The following TFEC variants were observed in gnomAD, a reference collection of about 807,000 sequenced individuals.
TFEC encodes the protein transcription factor EC.
TFEC carries 31 observed loss-of-function variants against 41.6 expected under a neutral mutation model. The ratio of observed to expected loss-of-function variants is 0.74; its 90% CI spans 0.56 to 1.01. The LOEUF is 1.01. TFEC is among the 50% of genes least tolerant of loss of function. TFEC has a pLI of 0.00. For synonymous variants in TFEC, 143 were observed against 140.6 expected, an observed-to-expected ratio of 1.02 and a Z score of -0.12; for missense variants, 402 against 404.1, an observed-to-expected ratio of 0.99 and a Z score of 0.04.
chr7:116,039,296 CA>C (rs1258271678), intron 3 of TFEC, among the ~76,000 whole-genome samples: 1 of 151,418 alleles, frequency 6.6e-6, no homozygotes, highest in Non-Finnish European at 1.5e-5. Flanking sequence ...ACTATAAGTA[CA>C]AATAAGAAGA....
chr7:116,072,908 C>T (rs1796863613), intron 3 of TFEC, among the ~76,000 whole-genome samples: 1 of 151,432 alleles, frequency 6.6e-6, no homozygotes, highest in Non-Finnish European at 1.5e-5. Flanking sequence ...AGGAACAATA[C>T]AAGGATACCC....
intron 7 of TFEC, 162 bp downstream of exon 7, chr7:115,941,731 G>T: frequency 1.2e-6 from 1 of 867,866 alleles, no homozygotes; most frequent in Non-Finnish European, 1.7e-6. Flanking sequence ...AATCCTAATT[G>T]AAACAACCCA....
chr7:116,121,836 T>G lies in TFEC; in HGVS notation c.-68-9798A>C, dbSNP rs150366331. ...TTGATCCTTGGCTAAAAGCCCTGAT[T>G]GGTCCAAAAGGTCAAATGGAAAGGA... On this transcript the variant is annotated intron_variant, in intron 1 of 8. Transcript: ENST00000484212. 3.0e-4 allele frequency among the ~76,000 whole-genome samples: 45 copies of G among 152,130 alleles called. 1 individual carries two copies. The East Asian group carries it at 8.3e-3, about 28-fold the overall frequency.
rs193045520 is a variant in TFEC at position 116,048,982 on chromosome 7, C to T, written c.198+61726G>A. Among the ~76,000 whole-genome samples, 250 of 152,262 alleles carry T rather than the reference C, an allele frequency of 1.6e-3. 1 individual carries two copies. The highest frequency in any genetic ancestry group is 2.6e-3 in the Admixed American group (39 of 15,292). On this transcript the variant is annotated intron_variant, in intron 3 of 8. Coordinates refer to the TFEC transcript ENST00000484212. The stretch of plus-strand genomic sequence containing the variant: ...GCCTTACAAGAGCTCCTGAAGGAAG[C>T]ACTAAACATGGAAAGGAACAGCCAG...
At chr7:115,979,620 T>C (rs1793536472) in intron 2 of TFEC, among the ~76,000 whole-genome samples, 1 of 152,142 alleles carries the variant, frequency 6.6e-6, no homozygotes, top group Non-Finnish European at 1.5e-5. Flanking sequence ...TTTTCATTTG[T>C]CCTTTGAACC....
chr7:115,971,101 C>A (rs181520125), intron 3 of TFEC, among the ~76,000 whole-genome samples: 1 of 151,944 alleles, frequency 6.6e-6, no homozygotes, highest in African/African-American at 2.4e-5. Flanking sequence ...GCTTGGGTAA[C>A]GACTACTGCT....
chr7:116,065,320 T>C (rs1315751352), intron 3 of TFEC, among the ~76,000 whole-genome samples: 4 of 152,122 alleles, frequency 2.6e-5, no homozygotes, highest in African/African-American at 9.7e-5. Flanking sequence ...CTGAGAAAAG[T>C]TCCTAGGAGA....
At chr7:116,076,027 C>T (rs1479515490) in intron 3 of TFEC, among the ~76,000 whole-genome samples, 3 of 152,188 alleles carry the variant, frequency 2.0e-5, no homozygotes, top group Non-Finnish European at 4.4e-5. Context: ...CACTTCACTC[C>T]CTTGCTACCT....
chr7:115,946,967 T>G (rs1253679054), intron 6 of TFEC, among the ~76,000 whole-genome samples: 2 of 151,324 alleles, frequency 1.3e-5, no homozygotes, highest in African/African-American at 4.8e-5. Flanking sequence ...CATGTGCCAA[T>G]GTGCAGGTTA....
intron 1 of TFEC, among the ~76,000 whole-genome samples, chr7:115,994,219 A>G (rs1350638857): frequency 4.6e-5 from 7 of 152,224 alleles, no homozygotes; most frequent in Admixed American, 4.6e-4. Flanking sequence ...GATGGATTAA[A>G]GACTTAAATG....
intron 3 of TFEC, among the ~76,000 whole-genome samples, chr7:116,066,144 A>G (rs1796689933): frequency 6.6e-6 from 1 of 152,094 alleles, no homozygotes; most frequent in Admixed American, 6.6e-5. Context: ...TTCTATCCCT[A>G]TTGAGGAGAT....
intron 6 of TFEC, among the ~76,000 whole-genome samples, chr7:115,944,364 C>T (rs1044091745): frequency 6.6e-6 from 1 of 151,406 alleles, no homozygotes; most frequent in African/African-American, 2.4e-5. Flanking sequence ...CACTCTTTCT[C>T]TTTGATTGTT....
At chr7:116,068,103 A>C (rs1350462259) in intron 3 of TFEC, among the ~76,000 whole-genome samples, 1 of 151,942 alleles carries the variant, frequency 6.6e-6, no homozygotes, top group African/African-American at 2.4e-5. Flanking sequence ...CTATATTTCA[A>C]ATGAAGACTT....
At chr7:116,087,663 ATGGTTTC>A (rs2131077679) in intron 3 of TFEC, among the ~76,000 whole-genome samples, 1 of 152,198 alleles carries the variant, frequency 6.6e-6, no homozygotes, top group East Asian at 1.9e-4. Context: ...CAGGCTAGCA[ATGGTTTC>A]AGGGATAAGG....
At chr7:116,068,058 AT>A (rs1455638924) in intron 3 of TFEC, among the ~76,000 whole-genome samples, 1 of 151,872 alleles carries the variant, frequency 6.6e-6, no homozygotes, top group Non-Finnish European at 1.5e-5. Flanking sequence ...CCATTTGGGA[AT>A]TTTTTTCTTG....
At chr7:115,956,228 C>T (rs1458034790) in intron 4 of TFEC, among the ~76,000 whole-genome samples, 1 of 151,680 alleles carries the variant, frequency 6.6e-6, no homozygotes, top group Non-Finnish European at 1.5e-5. Flanking sequence ...ATCATGAAAT[C>T]CATAAAACAA....
chr7:115,996,271 A>G (rs560445842), intron 1 of TFEC, among the ~76,000 whole-genome samples: 3 of 152,228 alleles, frequency 2.0e-5, no homozygotes, highest in Admixed American at 2.0e-4. Flanking sequence ...AGAACAAGGC[A>G]GAGTCTCGAG....
At chr7:116,092,590 G>C (rs1192356563) in intron 3 of TFEC, among the ~76,000 whole-genome samples, 2 of 152,122 alleles carry the variant, frequency 1.3e-5, no homozygotes, top group African/African-American at 4.8e-5. Flanking sequence ...ATGTGTACAT[G>C]AATTAAACTT....
chr7:116,122,137 A>T (rs752366955), intron 1 of TFEC, among the ~76,000 whole-genome samples: 1 of 152,038 alleles, frequency 6.6e-6, no homozygotes, highest in Non-Finnish European at 1.5e-5. Context: ...ATCATCAGGA[A>T]ACTTGGCATT....
Sources: gnomAD v4.1 joint callset for allele counts (sites outside exome capture counted in the v4.1 genomes callset) on GRCh38, gnomAD v4.1.1 for gene constraint, MANE v1.5 for transcripts, NCBI Gene and HGNC (gene_info 2026-07-23, HGNC 2026-07-21) for gene names.